Variants in MAF observed in about 807,000 individuals in gnomAD.
The protein encoded by MAF is MAF bZIP transcription factor, also known as transcription factor Maf.
In MAF, 10 loss-of-function variants were observed where a neutral mutation model predicts 22.0. The ratio of observed to expected loss-of-function variants is 0.45; its 90% CI spans 0.28 to 0.77. The LOEUF is 0.77. MAF is among the 30% of genes least tolerant of loss of function. The pLI is 0.12. For missense variants in MAF, 544 were observed against 548.4 expected, an observed-to-expected ratio of 0.99 and a Z score of 0.08; for synonymous variants, 337 against 255.8, an observed-to-expected ratio of 1.32 and a Z score of -3.03.
At chr16:79,281,777 C>T in the MAF span, among the ~76,000 whole-genome samples, 1 of 152,062 alleles carries the variant, frequency 6.6e-6, no homozygotes, top group African/African-American at 2.4e-5. Context: ...CATCTCTTGA[C>T]CTTGTGATCT....
At chr16:79,502,507 C>A in the MAF span, among the ~76,000 whole-genome samples, 1 of 151,320 alleles carries the variant, frequency 6.6e-6, no homozygotes, top group Non-Finnish European at 1.5e-5. Context: ...GTCTACAAAA[C>A]ATACAAAAAT....
At chr16:79,361,562 C>A in the MAF span, among the ~76,000 whole-genome samples, 1 of 152,178 alleles carries the variant, frequency 6.6e-6, no homozygotes, top group Non-Finnish European at 1.5e-5. Flanking sequence ...TGCCTGGGAA[C>A]ATTACACCTC....
chr16:79,512,501 G>A, the MAF span, among the ~76,000 whole-genome samples: 51 of 152,174 alleles, frequency 3.4e-4, no homozygotes, highest in African/African-American at 1.1e-3. Context: ...CCATCTCCAG[G>A]TGTCCTATTA....
At chr16:79,301,465 G>A in the MAF span, among the ~76,000 whole-genome samples, 17 of 152,152 alleles carry the variant, frequency 1.1e-4, no homozygotes, top group African/African-American at 4.1e-4. Flanking sequence ...TGACAAAGCT[G>A]GAGGAGGCCA....
chr16:79,431,840 G>C, the MAF span, among the ~76,000 whole-genome samples: 2 of 152,202 alleles, frequency 1.3e-5, 1 homozygote, highest in African/African-American at 4.8e-5. Context: ...CATGGCAAGT[G>C]AATGCTCAGC....
chr16:79,212,191 C>G, the MAF span: 3 of 1,463,186 alleles, frequency 2.1e-6, no homozygotes, highest in Non-Finnish European at 2.7e-6. Flanking sequence ...GGGGGCTGGC[C>G]TTCTCCTACT....
chr16:79,435,637 G>C, the MAF span, among the ~76,000 whole-genome samples: 2 of 152,156 alleles, frequency 1.3e-5, no homozygotes, highest in Non-Finnish European at 2.9e-5. Context: ...GCCAGTGGCA[G>C]TTTTAGTCCT....
At chr16:79,436,630 A>C in the MAF span, among the ~76,000 whole-genome samples, 1 of 152,224 alleles carries the variant, frequency 6.6e-6, no homozygotes, top group African/African-American at 2.4e-5. Context: ...GGTTTCACCA[A>C]ATTGAGATCA....
the MAF span, among the ~76,000 whole-genome samples, chr16:79,566,827 C>T: frequency 1.3e-5 from 2 of 152,188 alleles, no homozygotes; most frequent in Non-Finnish European, 2.9e-5. Flanking sequence ...CTTTGGAACC[C>T]TGTGGTTTGA....
At chr16:79,427,502 C>T in the MAF span, among the ~76,000 whole-genome samples, 1 of 152,204 alleles carries the variant, frequency 6.6e-6, no homozygotes, top group Non-Finnish European at 1.5e-5. Flanking sequence ...GATGTTGGCT[C>T]AGTGACTTGG....
the MAF span, among the ~76,000 whole-genome samples, chr16:79,554,642 A>G: frequency 6.6e-6 from 1 of 152,182 alleles, no homozygotes. Context: ...TCAGTCTCCC[A>G]GGATGCTCAT....
At chr16:79,403,026 A>C in the MAF span, among the ~76,000 whole-genome samples, 5 of 152,154 alleles carry the variant, frequency 3.3e-5, no homozygotes, top group African/African-American at 1.2e-4. Flanking sequence ...GACCTGGGTG[A>C]AATCCTGCCT....
At chr16:79,489,234 C>A in the MAF span, among the ~76,000 whole-genome samples, 1 of 152,094 alleles carries the variant, frequency 6.6e-6, no homozygotes, top group African/African-American at 2.4e-5. Flanking sequence ...TTTGCCCATC[C>A]ATCTACTCAT....
chr16:79,454,525 T>G, the MAF span, among the ~76,000 whole-genome samples: 6 of 152,216 alleles, frequency 3.9e-5, no homozygotes, highest in East Asian at 3.8e-4. Flanking sequence ...GCCAGTATAC[T>G]CATTAATCTT....
the MAF span, among the ~76,000 whole-genome samples, chr16:79,218,451 T>C: frequency 6.6e-6 from 1 of 152,262 alleles, no homozygotes; most frequent in East Asian, 1.9e-4. Flanking sequence ...AGCATACCTT[T>C]GTAGAGCGTA....
chr16:79,332,425 C>T, the MAF span, among the ~76,000 whole-genome samples: 6 of 152,106 alleles, frequency 3.9e-5, no homozygotes, highest in African/African-American at 9.7e-5. Flanking sequence ...CTCAGCCTCC[C>T]GAGTAGCTGG....
chr16:79,600,025 T>C lies in MAF; in HGVS notation c.-123A>G. The C allele has an allele frequency of 7.2e-7, 1 of 1,387,352 alleles. No individual in the cohort carries two copies. Among genetic ancestry groups the C allele is most frequent in the South Asian group, 1.3e-5 (1 of 79,556 alleles). The allele number at this position is 1,387,352 out of a possible 1,614,324, so 85.9% of individuals were successfully genotyped here. ...TTGCCGGGCTGGGGCGCTTCTAGCT[T>C]GCGCGGCGGTGGCTGGCCCGAAACC... On this transcript the variant is annotated 5_prime_UTR_variant, in exon 1 of 2. Coordinates refer to ENST00000326043, the MANE Select transcript of MAF (RefSeq NM_005360.5).
At chr16:79,484,305 T>C in the MAF span, among the ~76,000 whole-genome samples, 1 of 152,168 alleles carries the variant, frequency 6.6e-6, no homozygotes, top group Admixed American at 6.5e-5. Flanking sequence ...GGTGTGACAA[T>C]GCCTCCCAAC....
the MAF span, among the ~76,000 whole-genome samples, chr16:79,578,442 C>T: frequency 1.0e-3 from 156 of 152,182 alleles, no homozygotes; most frequent in African/African-American, 3.7e-3. Context: ...TCTACTTTCA[C>T]ACGATGTATC....
Sources: allele counts gnomAD v4.1 joint callset (sites outside exome capture counted in the v4.1 genomes callset), GRCh38; gene constraint gnomAD v4.1.1; transcripts MANE v1.5; gene names NCBI Gene and HGNC (gene_info 2026-07-23, HGNC 2026-07-21).